PRKCE: variants seen among roughly 807,000 people sequenced by gnomAD.
The protein encoded by PRKCE is protein kinase C epsilon.
In PRKCE, 16 loss-of-function variants were observed where a neutral mutation model predicts 85.4. The observed-to-expected ratio is 0.19, with a 90% CI of 0.13 to 0.28. The LOEUF is 0.28. Ranked by LOEUF, PRKCE falls within the 10% of genes least tolerant of loss-of-function variation. PRKCE has a pLI of 1.00. For missense variants in PRKCE, 573 were observed against 975.2 expected (o/e 0.59, Z 5.49); for synonymous variants, 388 against 371.5 (o/e 1.04, Z -0.51).
intron 1 of PRKCE, among the ~76,000 whole-genome samples, chr2:45,662,025 C>T (rs1361052005): frequency 1.3e-5 from 2 of 152,116 alleles, no homozygotes; most frequent in Non-Finnish European, 2.9e-5. Context: ...TCCCCCTCTA[C>T]CCCCCTTTAG....
chr2:45,739,742 A>G (rs769607286), intron 1 of PRKCE, among the ~76,000 whole-genome samples: 1 of 152,180 alleles, frequency 6.6e-6, no homozygotes, highest in Non-Finnish European at 1.5e-5. Context: ...TTTTTGAGGC[A>G]TGAACTGTTT....
chr2:45,717,022 G>A (rs550443201), intron 1 of PRKCE, among the ~76,000 whole-genome samples: 2 of 140,098 alleles, frequency 1.4e-5, no homozygotes, highest in Admixed American at 1.5e-4. Context: ...CCCACCACAT[G>A]TGGGGATTAT....
chr2:45,969,340 C>T (rs762548131), intron 2 of PRKCE, among the ~76,000 whole-genome samples: 1 of 152,138 alleles, frequency 6.6e-6, no homozygotes, highest in Non-Finnish European at 1.5e-5. Context: ...CATAAAACAA[C>T]GGACCTCCAA....
At chr2:46,182,102 T>A (rs1470793955) in intron 14 of PRKCE, among the ~76,000 whole-genome samples, 1 of 152,008 alleles carries the variant, frequency 6.6e-6, no homozygotes, top group African/African-American at 2.4e-5. Context: ...CGGCTCCAGC[T>A]CCCCCGGCGT....
intron 2 of PRKCE, among the ~76,000 whole-genome samples, chr2:45,945,585 C>G (rs757636185): frequency 6.6e-6 from 1 of 152,192 alleles, no homozygotes; most frequent in Non-Finnish European, 1.5e-5. Context: ...ACACCACAAC[C>G]ACAGCCGTCA....
intron 1 of PRKCE, among the ~76,000 whole-genome samples, chr2:45,667,241 G>C (rs986359469): frequency 4.6e-5 from 7 of 151,486 alleles, no homozygotes; most frequent in African/African-American, 1.7e-4. Context: ...AACCCTGGAG[G>C]GGGAGGTTGC....
chr2:46,082,900 A>G (rs1028798321), intron 10 of PRKCE, among the ~76,000 whole-genome samples: 6 of 152,222 alleles, frequency 3.9e-5, no homozygotes, highest in South Asian at 2.1e-4. Context: ...ATTTTAACAT[A>G]TAATTTAACC....
intron 1 of PRKCE, among the ~76,000 whole-genome samples, chr2:45,759,880 G>A (rs1266842185): frequency 1.3e-5 from 2 of 152,210 alleles, no homozygotes; most frequent in African/African-American, 4.8e-5. Flanking sequence ...TCTGTTGCAG[G>A]TGATGGATCA....
At chr2:45,682,196 C>T (rs774206203) in intron 1 of PRKCE, among the ~76,000 whole-genome samples, 1 of 152,166 alleles carries the variant, frequency 6.6e-6, no homozygotes, top group Non-Finnish European at 1.5e-5. Flanking sequence ...TAAGTTTGAA[C>T]TTCATAATAT....
At chr2:46,118,297 G>A (rs1450105537) in intron 11 of PRKCE, among the ~76,000 whole-genome samples, 2 of 152,184 alleles carry the variant, frequency 1.3e-5, no homozygotes, top group Non-Finnish European at 2.9e-5. Flanking sequence ...TTGGCACTTG[G>A]GTAGCTGTGG....
intron 11 of PRKCE, among the ~76,000 whole-genome samples, chr2:46,093,789 C>T (rs1260600486): frequency 6.6e-6 from 1 of 152,058 alleles, no homozygotes; most frequent in Non-Finnish European, 1.5e-5. Flanking sequence ...ACCCACTACC[C>T]ACCTCCACAG....
intron 10 of PRKCE, among the ~76,000 whole-genome samples, chr2:46,036,253 C>T (rs1707850894): frequency 6.6e-6 from 1 of 152,108 alleles, no homozygotes; most frequent in Non-Finnish European, 1.5e-5. Context: ...AGAGCGAGAG[C>T]AGGCACTCAC....
chr2:45,704,313 C>T (rs1678928499), intron 1 of PRKCE, among the ~76,000 whole-genome samples: 1 of 152,174 alleles, frequency 6.6e-6, no homozygotes, highest in Non-Finnish European at 1.5e-5. Flanking sequence ...TTCATTTCTT[C>T]TCTTGTCCCC....
chr2:45,919,785 G>C (rs1698116794), intron 2 of PRKCE, among the ~76,000 whole-genome samples: 1 of 152,250 alleles, frequency 6.6e-6, no homozygotes, highest in South Asian at 2.1e-4. Flanking sequence ...CATGGCATGT[G>C]TGGAGTCCCT....
At chr2:45,923,720 GA>G (rs754998884) in intron 2 of PRKCE, among the ~76,000 whole-genome samples, 10 of 152,320 alleles carry the variant, frequency 6.6e-5, no homozygotes, top group South Asian at 4.1e-4. Context: ...GCAGAGCAGG[GA>G]ACCATCCCTC....
chr2:45,656,791 T>C (rs117052398), intron 1 of PRKCE, among the ~76,000 whole-genome samples: 30 of 152,346 alleles, frequency 2.0e-4, no homozygotes, highest in East Asian at 9.6e-4. Context: ...TTGAGAAACA[T>C]TGGGCTAGAA....
chr2:46,035,070 C>A (rs1707775022), intron 10 of PRKCE, among the ~76,000 whole-genome samples: 1 of 152,230 alleles, frequency 6.6e-6, no homozygotes, highest in South Asian at 2.1e-4. Context: ...CTGAAGGTCT[C>A]ACCCTTCCTC....
intron 10 of PRKCE, among the ~76,000 whole-genome samples, chr2:46,050,483 T>G (rs1414290853): frequency 6.6e-6 from 1 of 152,246 alleles, no homozygotes; most frequent in East Asian, 1.9e-4. Flanking sequence ...ACATTATTTC[T>G]AGTCTTTTGG....
chr2:45,870,041 A>G (rs1693964797), intron 2 of PRKCE, among the ~76,000 whole-genome samples: 1 of 152,076 alleles, frequency 6.6e-6, no homozygotes, highest in African/African-American at 2.4e-5. Flanking sequence ...TCGGTGACTG[A>G]GGATAAACTG....
Sources: gnomAD v4.1 joint callset for allele counts (sites outside exome capture counted in the v4.1 genomes callset) on GRCh38, gnomAD v4.1.1 for gene constraint, MANE v1.5 for transcripts, NCBI Gene and HGNC (gene_info 2026-07-23, HGNC 2026-07-21) for gene names.